The following ABCB10 variants were observed in gnomAD, a reference collection of about 807,000 sequenced individuals.
ABCB10 encodes the protein ATP-binding cassette sub-family B member 10, mitochondrial.
In ABCB10, 54 loss-of-function variants were observed where a neutral mutation model predicts 65.4. That is an observed-to-expected ratio of 0.83 (90% CI 0.66 to 1.04). The LOEUF (loss-of-function observed/expected upper bound fraction) is 1.04. ABCB10 is among the 50% of genes least tolerant of loss of function. ABCB10 has a pLI of 0.00. For missense variants in ABCB10, 846 were observed against 976.6 expected, an observed-to-expected ratio of 0.87 and a Z score of 1.78; for synonymous variants, 418 against 406.5, an observed-to-expected ratio of 1.03 and a Z score of -0.34.
At position 229,542,246 on chromosome 1, in the gene ABCB10, T is replaced by C. The variant is rs1662867406; in HGVS notation, c.1047A>G (p.Gln349=). 1.2e-6 allele frequency: 2 copies of C among 1,613,894 alleles called. No individual in the cohort carries two copies. The highest frequency in any genetic ancestry group is 2.2e-5 in the South Asian group (2 of 91,062). The change falls in exon 4 of 13, where the codon CAA becomes CAG. Residue 349 remains glutamine (Q), a synonymous_variant. Coordinates refer to ENST00000344517, the MANE Select transcript of ABCB10 (RefSeq NM_012089.3). ...LTKVTQDSLA[Q]ATQLAEERIG... is the part of the protein sequence containing the mutation. Reference sequence around the variant, plus strand: ...AGGAAGGGGCCTTTACCTGAGTGGCTTGTGCCAGGGAATCCTGAGTGACTT... The same window carrying C: ...AGGAAGGGGCCTTTACCTGAGTGGCCTGTGCCAGGGAATCCTGAGTGACTT...
intron 11 of ABCB10, among the ~76,000 whole-genome samples, chr1:229,521,087 T>G (rs1662303660): frequency 6.6e-6 from 1 of 152,102 alleles, no homozygotes; most frequent in Admixed American, 6.5e-5. Flanking sequence ...TTTAATCACC[T>G]ATAAGCCTGA....
At chr1:229,525,547 T>C (rs1662419908) in intron 10 of ABCB10, among the ~76,000 whole-genome samples, 1 of 152,046 alleles carries the variant, frequency 6.6e-6, no homozygotes, top group African/African-American at 2.4e-5. Context: ...TACTGCAATA[T>C]AGAAACATGT....
intron 1 of ABCB10, among the ~76,000 whole-genome samples, chr1:229,554,343 G>C (rs1001670695): frequency 6.6e-6 from 1 of 152,164 alleles, no homozygotes; most frequent in African/African-American, 2.4e-5. Context: ...CATGTGTCTG[G>C]TGCAAGATCA....
chr1:229,532,400 G>A (rs1662606850), intron 6 of ABCB10, among the ~76,000 whole-genome samples: 1 of 152,160 alleles, frequency 6.6e-6, no homozygotes, highest in South Asian at 2.1e-4. Flanking sequence ...GAAATGTAAT[G>A]CTATCTCATA....
rs962770315 is a variant in ABCB10, at chr1:229,558,362, G to C, written c.291C>G (p.Pro97=). Residue 97 remains proline (P), a synonymous_variant, in exon 1 of 13, where the codon CCC becomes CCG. Transcript: ENST00000344517. ...CAAAAGCCCCGCACCTGCAGCTGCC[G>C]GGGCCGCGAGCCCACAGCCCCAGGA... ...ARLLGLWARG[P]GSCRCGAFAG... is the part of the protein sequence containing the mutation. The C allele has an allele frequency of 2.4e-6, 3 of 1,251,322 alleles. No homozygotes were observed. Among genetic ancestry groups the C allele is most frequent in the Non-Finnish European group, 3.0e-6 (3 of 986,646 alleles). The allele number at this position is 1,251,322 out of a possible 1,614,324, so 77.5% of individuals were successfully genotyped here.
At chr1:229,556,182 C>G (rs1310550164) in intron 1 of ABCB10, among the ~76,000 whole-genome samples, 1 of 152,104 alleles carries the variant, frequency 6.6e-6, no homozygotes, top group African/African-American at 2.4e-5. Flanking sequence ...TCGAGACCAC[C>G]CTGACCAACA....
intron 6 of ABCB10, 77 bp from the exon 7 acceptor site, chr1:229,531,808 GACA>G: frequency 1.5e-5 from 17 of 1,109,686 alleles, no homozygotes; most frequent in Non-Finnish European, 2.1e-5. Flanking sequence ...TGAGAGGAGT[GACA>G]ATGATTGCTT....
rs1461988301 is a variant in ABCB10 at position 229,518,827 on chromosome 1, T to C, written c.1985+14A>G. The stretch of plus-strand genomic sequence containing the variant: ...TAATACACACAATGGCATATATTAT[T>C]AAGATATCCTCACCTGGTTGCTTCA... On this transcript the variant is annotated intron_variant, in intron 12 of 12. Coordinates refer to ENST00000344517, the MANE Select transcript of ABCB10 (RefSeq NM_012089.3). The C allele has an allele frequency of 6.3e-7, 1 of 1,587,536 alleles. No homozygotes were observed. Among genetic ancestry groups the C allele is most frequent in the East Asian group, 2.2e-5 (1 of 44,550 alleles).
intron 3 of ABCB10, among the ~76,000 whole-genome samples, chr1:229,546,127 G>A (rs905553255): frequency 4.0e-5 from 6 of 149,336 alleles, no homozygotes; most frequent in Non-Finnish European, 5.9e-5. Flanking sequence ...AGCCAAGATC[G>A]TGCCATTGCA....
intron 6 of ABCB10, among the ~76,000 whole-genome samples, chr1:229,536,669 T>C (rs968400803): frequency 3.9e-5 from 6 of 152,086 alleles, no homozygotes; most frequent in South Asian, 4.1e-4. Context: ...AGGAATGACA[T>C]ACTAGCCCAG....
chr1:229,538,707 C>T (rs1253893005), intron 6 of ABCB10, among the ~76,000 whole-genome samples: 2 of 152,184 alleles, frequency 1.3e-5, no homozygotes, highest in Non-Finnish European at 2.9e-5. Flanking sequence ...ATGCCTCTAC[C>T]TTCAACAATT....
chr1:229,557,318 C>T (rs1309236550), intron 1 of ABCB10, among the ~76,000 whole-genome samples: 1 of 152,208 alleles, frequency 6.6e-6, no homozygotes, highest in Non-Finnish European at 1.5e-5. Flanking sequence ...TCCCCACTAA[C>T]CTAGAAGCCC....
At chr1:229,547,148 G>A (rs1403858014) in intron 3 of ABCB10, among the ~76,000 whole-genome samples, 1 of 152,118 alleles carries the variant, frequency 6.6e-6, no homozygotes, top group African/African-American at 2.4e-5. Context: ...CACACACAGA[G>A]GAATGGAATT....
chr1:229,519,107 A>G, intron 11 of ABCB10: 1 of 375,162 alleles, frequency 2.7e-6, no homozygotes, highest in Non-Finnish European at 4.8e-6. Flanking sequence ...GGCTGGGTTC[A>G]ATGCAGGAAA....
intron 1 of ABCB10, among the ~76,000 whole-genome samples, chr1:229,550,693 A>G (rs1663087630): frequency 6.7e-6 from 1 of 148,940 alleles, no homozygotes; most frequent in African/African-American, 2.5e-5. Flanking sequence ...TCTCTACTAA[A>G]AAAAAAAAAA....
chr1:229,524,996 G>A (rs920407053), intron 10 of ABCB10, among the ~76,000 whole-genome samples: 3 of 152,010 alleles, frequency 2.0e-5, no homozygotes, highest in African/African-American at 7.3e-5. Context: ...TGGGATTACA[G>A]GTGCCCACCA....
chr1:229,549,325 G>A lies in ABCB10; in HGVS notation c.627C>T (p.Asp209=). 1.2e-6 allele frequency: 2 copies of A among 1,614,072 alleles called. No individual in the cohort carries two copies. Among genetic ancestry groups the A allele is most frequent in the Middle Eastern group, 1.7e-4 (1 of 6,058 alleles). ...IYTNPTVDYS[D]NLTRLCLGLS... is the part of the protein sequence containing the mutation. Reference sequence around the variant, plus strand: ...GCCCTAGGCAGAGGCGGGTCAGGTTGTCGCTGTAGTCCACAGTGGGGTTGG... The same window carrying A: ...GCCCTAGGCAGAGGCGGGTCAGGTTATCGCTGTAGTCCACAGTGGGGTTGG... The change falls in exon 2 of 13, where the codon GAC becomes GAT. Residue 209 remains aspartate, a synonymous_variant. Coordinates refer to ENST00000344517, the MANE Select transcript of ABCB10 (RefSeq NM_012089.3).
chr1:229,558,121 CG>C lies in ABCB10; in HGVS notation c.517+14del. Reference sequence around the variant, plus strand: ...GAGAGGCCCGGCGGAGGGAAGTGGCCGGGGAGGACCCTACCTGCCAGCCTCC... The same window carrying C: ...GAGAGGCCCGGCGGAGGGAAGTGGCCGGGAGGACCCTACCTGCCAGCCTCC... On this transcript the variant is annotated intron_variant, in intron 1 of 12. Coordinates refer to ENST00000344517, the MANE Select transcript of ABCB10 (RefSeq NM_012089.3). 4 of 1,365,260 alleles carry C rather than the reference CG, an allele frequency of 2.9e-6. No individual in the cohort carries two copies. Among genetic ancestry groups the C allele is most frequent in the South Asian group, 1.6e-5 (1 of 62,060 alleles). The allele number at this position is 1,365,260 out of a possible 1,614,324, so 84.6% of individuals were successfully genotyped here.
rs1571959503 is a variant in ABCB10 at position 229,527,253 on chromosome 1, T to C, written c.1701A>G (p.Arg567=). ...CCTGACTCACTGTCCCAATTTTGGA[T>C]CTCAGCCACACTGGGTTTAGCTGAC... ...DIRQLNPVWL[R]SKIGTVSQEP... Residue 567 remains arginine (R), a synonymous_variant, in exon 9 of 13, where the codon AGA becomes AGG. Transcript: ENST00000344517. 1.2e-6 allele frequency: 2 copies of C among 1,613,898 alleles called. No individual in the cohort carries two copies. Among genetic ancestry groups the C allele is most frequent in the Non-Finnish European group, 1.7e-6 (2 of 1,179,842 alleles).
Sources: gnomAD v4.1 joint callset for allele counts (sites outside exome capture counted in the v4.1 genomes callset) on GRCh38, gnomAD v4.1.1 for gene constraint, MANE v1.5 for transcripts, NCBI Gene and HGNC (gene_info 2026-07-23, HGNC 2026-07-21) for gene names.